Variants in C10orf143 observed in about 807,000 individuals in gnomAD.
C10orf143 encodes chromosome 10 open reading frame 143, also known as uncharacterized protein C10orf143.
chr10:130,042,285 C>T (rs1860616527), intron 3 of C10orf143, among the ~76,000 whole-genome samples: 1 of 152,208 alleles, frequency 6.6e-6, no homozygotes, highest in Non-Finnish European at 1.5e-5. Context: ...ACCACTTTCA[C>T]GCCGTTTGTT....
At chr10:130,054,428 G>A (rs1860773693) in intron 3 of C10orf143, among the ~76,000 whole-genome samples, 1 of 152,144 alleles carries the variant, frequency 6.6e-6, no homozygotes, top group African/African-American at 2.4e-5. Flanking sequence ...TCTTTGAGTG[G>A]GCATGCAGGT....
chr10:130,106,227 G>A, intron 1 of C10orf143: 1 of 1,330,630 alleles, frequency 7.5e-7, no homozygotes, highest in Non-Finnish European at 1.1e-6. Flanking sequence ...TTTCTGTGGA[G>A]AAGTTTTAGA....
chr10:130,105,967 C>A (rs934083502), intron 1 of C10orf143: 3 of 394,182 alleles, frequency 7.6e-6, no homozygotes, highest in African/African-American at 6.3e-5. Context: ...GATTCGGGTT[C>A]CGGACGCAAG....
At chr10:130,060,444 A>AATCACTTAAAATGGTAATG (rs577373168), downstream of C10orf143, among the ~76,000 whole-genome samples, 1 of 152,222 alleles carries the variant, frequency 6.6e-6, no homozygotes, top group Non-Finnish European at 1.5e-5. Context: ...TATACTGTGT[A>AATCACTTAAAATGGTAATG]ATCACTTAAA....
At chr10:130,039,433 G>A (rs898918822) in intron 3 of C10orf143, among the ~76,000 whole-genome samples, 1 of 152,076 alleles carries the variant, frequency 6.6e-6, no homozygotes, top group African/African-American at 2.4e-5. Flanking sequence ...GCATCCGAGG[G>A]CAGGAGAAGA....
At chr10:130,078,744 A>C (rs2134766572) in intron 3 of C10orf143, among the ~76,000 whole-genome samples, 1 of 152,352 alleles carries the variant, frequency 6.6e-6, no homozygotes, top group East Asian at 1.9e-4. Context: ...ACAGTAGCTT[A>C]CAGTATGTCA....
At chr10:130,049,446 A>G (rs1259404996) in intron 3 of C10orf143, among the ~76,000 whole-genome samples, 1 of 152,188 alleles carries the variant, frequency 6.6e-6, no homozygotes, top group Non-Finnish European at 1.5e-5. Flanking sequence ...GGGTGGGACA[A>G]GCATGGTGTG....
chr10:130,082,540 G>A (rs1285954444), intron 1 of C10orf143, among the ~76,000 whole-genome samples: 1 of 152,182 alleles, frequency 6.6e-6, no homozygotes, highest in East Asian at 1.9e-4. Flanking sequence ...TAAGTCTCAC[G>A]AGATCTGATG....
In C10orf143 at chr10:130,056,812, C is replaced by T. The variant is rs780812561; in HGVS notation, c.298-20842G>A. ...TTCACCATGTTAGCCAAGATGGTCT[C>T]GATCTCCTGACCTCATGATCCGCCT... On this transcript the variant is annotated intron_variant and NMD_transcript_variant, in intron 3 of 5. Transcript: ENST00000643056. This position sits in a 1 kb window ranked among gnomAD's most constrained non-coding sequence, Gnocchi z 4.6. Among the ~76,000 whole-genome samples, 12 of 152,098 alleles carry T rather than the reference C, an allele frequency of 7.9e-5. No homozygotes were observed. Among genetic ancestry groups the T allele is most frequent in the Admixed American group, 2.0e-4 (3 of 15,266 alleles).
chr10:130,054,991 C>T (rs1860779151), intron 3 of C10orf143, among the ~76,000 whole-genome samples: 1 of 152,016 alleles, frequency 6.6e-6, no homozygotes, highest in African/African-American at 2.4e-5. Context: ...ATTGAGAAAA[C>T]TGGATATGCA....
At chr10:130,078,908 T>G (rs958417291) in intron 3 of C10orf143, among the ~76,000 whole-genome samples, 2 of 152,206 alleles carry the variant, frequency 1.3e-5, no homozygotes, top group African/African-American at 4.8e-5. Flanking sequence ...TAATTCTATT[T>G]TATTGCAATA....
chr10:130,095,516 G>A (rs1861448356), intron 1 of C10orf143, among the ~76,000 whole-genome samples: 1 of 152,168 alleles, frequency 6.6e-6, no homozygotes, highest in Non-Finnish European at 1.5e-5. Flanking sequence ...CAAAGCTGGA[G>A]GCATCACGCT....
In C10orf143 at chr10:130,072,990, T is replaced by C. The variant is rs189620983; in HGVS notation, c.297+6576A>G. On this transcript the variant is annotated intron_variant, in intron 3 of 3. Coordinates refer to ENST00000637128, the MANE Select transcript of C10orf143 (RefSeq NM_001355042.2). ...ACCTTCAAAGCACAATAAAGTGAAG[T>C]GCAATAAAATGAGTTGTGCCCGTAC... Among the ~76,000 whole-genome samples, 505 of 152,312 alleles carry C rather than the reference T, an allele frequency of 3.3e-3. 6 individuals are homozygous for C. The highest frequency in any genetic ancestry group is 0.012 in the African/African-American group (480 of 41,566).
intron 1 of C10orf143, among the ~76,000 whole-genome samples, chr10:130,096,049 T>C (rs976444369): frequency 1.3e-5 from 2 of 152,060 alleles, no homozygotes; most frequent in South Asian, 2.1e-4. Flanking sequence ...CTCCATCTGA[T>C]GAAGGGCTAA....
chr10:130,044,921 G>T (rs1286505340), intron 3 of C10orf143, among the ~76,000 whole-genome samples: 3 of 152,174 alleles, frequency 2.0e-5, no homozygotes, highest in Admixed American at 1.3e-4. Context: ...TGCAAGCAGG[G>T]TCCTTACTCA....
rs963819414 is a variant in C10orf143, at chr10:130,056,244, C to T, written c.298-20274G>A. ...AACCCTTACCGACCCTAGCAAGCCACTGGTGGTCTTTGGGATCCTGCCCAG... is the reference window on the plus strand; with the variant it reads ...AACCCTTACCGACCCTAGCAAGCCATTGGTGGTCTTTGGGATCCTGCCCAG... On this transcript the variant is annotated intron_variant and NMD_transcript_variant, in intron 3 of 5. Coordinates refer to the C10orf143 transcript ENST00000643056. This position sits in a 1 kb window ranked among gnomAD's most constrained non-coding sequence, Gnocchi z 4.6. 6.6e-6 allele frequency among the ~76,000 whole-genome samples: 1 copy of T among 152,210 alleles called. No homozygotes were observed. The highest frequency in any genetic ancestry group is 2.4e-5 in the African/African-American group (1 of 41,454).
In C10orf143 at chr10:130,108,425, G is replaced by A. The variant is rs1861702138; in HGVS notation, c.69+2279C>T. On this transcript the variant is annotated intron_variant, in intron 1 of 3. Transcript: ENST00000637128. ...TCCGCCTTCAAATGAGCCTGCTACG[G>A]AACATCCAAAACCGCAGCAAGATAC... 4.6e-6 allele frequency: 4 copies of A among 869,336 alleles called. No individual in the cohort carries two copies. In the African/African-American group the frequency reaches 6.6e-5, roughly 14 times the overall value. The allele number at this position is 869,336 out of a possible 1,614,324, so 53.9% of individuals were successfully genotyped here. A position where few individuals can be genotyped will look rare whatever the true frequency, so the allele number is the denominator to read the frequency against.
intron 3 of C10orf143, among the ~76,000 whole-genome samples, chr10:130,053,168 C>T (rs1029438043): frequency 2.0e-4 from 30 of 152,216 alleles, no homozygotes; most frequent in South Asian, 4.1e-4. Context: ...TCAGGCGATT[C>T]TCCTACCTCA....
At chr10:130,094,015 T>TTAA (rs111935464) in intron 1 of C10orf143, among the ~76,000 whole-genome samples, 7 of 137,728 alleles carry the variant, frequency 5.1e-5, no homozygotes, top group Admixed American at 1.5e-4. Flanking sequence ...ATCTCACCAT[T>TTAA]AAAAAAAAAA....
Sources: gnomAD v4.1 joint callset for allele counts (sites outside exome capture counted in the v4.1 genomes callset) on GRCh38, gnomAD v4.1.1 for gene constraint, Gnocchi (gnomAD v3.1) non-coding constraint, MANE v1.5 for transcripts, NCBI Gene and HGNC (gene_info 2026-07-23, HGNC 2026-07-21) for gene names.